RCBTB1: variants seen among roughly 807,000 people sequenced by gnomAD.
RCBTB1 encodes RCC1 and BTB domain containing protein 1.
A neutral mutation model predicts 62.4 loss-of-function variants in RCBTB1; 46 were observed. The ratio of observed to expected loss-of-function variants is 0.74; its 90% CI spans 0.58 to 0.94. The LOEUF is 0.94. Among genes scored for constraint, RCBTB1 ranks in the 40% least tolerant of loss-of-function variants. The pLI is 0.00. For synonymous variants in RCBTB1, 222 were observed against 245.8 expected (o/e 0.90, Z 0.91); for missense variants, 565 against 654.9 (o/e 0.86, Z 1.50).
rs572490119 is a variant in RCBTB1 at position 49,572,350 on chromosome 13, A to T, written c.-41-5030T>A. On this transcript the variant is annotated intron_variant, in intron 2 of 12. Coordinates refer to ENST00000378302, the MANE Select transcript of RCBTB1 (RefSeq NM_018191.4). ...TCAGAAAAAAAAAAAAAAATGCAGG[A>T]TCCATTGCAAGGAACAGCAACATTA... Among the ~76,000 whole-genome samples the T allele has an allele frequency of 4.0e-5, 6 of 151,772 alleles. No individual in the cohort carries two copies. The South Asian group carries it at 8.3e-4, about 21-fold the overall frequency.
chr13:49,574,398 C>T (rs1482497698), intron 2 of RCBTB1, among the ~76,000 whole-genome samples: 2 of 152,196 alleles, frequency 1.3e-5, no homozygotes, highest in Non-Finnish European at 2.9e-5. Flanking sequence ...GGATTAGAGG[C>T]GTGAGCCACC....
chr13:49,584,784 G>GCAAA (rs1964300070), intron 1 of RCBTB1, among the ~76,000 whole-genome samples: 1 of 152,168 alleles, frequency 6.6e-6, no homozygotes, highest in South Asian at 2.1e-4. Context: ...GCTTGAAAGT[G>GCAAA]TCTTACATGC....
intron 2 of RCBTB1, among the ~76,000 whole-genome samples, chr13:49,569,815 G>C (rs1200935185): frequency 1.3e-5 from 2 of 152,108 alleles, no homozygotes; most frequent in East Asian, 3.8e-4. Context: ...GCTGAGGTGA[G>C]AGGATTGCTT....
chr13:49,554,136 C>T (rs189659432), intron 6 of RCBTB1, among the ~76,000 whole-genome samples: 47 of 152,098 alleles, frequency 3.1e-4, no homozygotes, highest in African/African-American at 1.1e-3. Context: ...TGAAGAATAG[C>T]AGAGAAAAGC....
In RCBTB1 at chr13:49,548,388, C is replaced by CAA. The variant is rs1289018692; in HGVS notation, c.1045+1068_1045+1069dup. On this transcript the variant is annotated intron_variant, in intron 9 of 12. Transcript: ENST00000378302. ...TGGGTAACAGAGTGAGACTCCGTCT[C>CAA]AAAAAAAAAAAAAAAAAGAAAAGAA... is the stretch of plus-strand genomic sequence containing the variant. 1.4e-4 allele frequency among the ~76,000 whole-genome samples: 11 copies of CAA among 80,236 alleles called. 1 individual carries two copies. Among genetic ancestry groups the CAA allele is most frequent in the Middle Eastern group, 0.012 (2 of 166 alleles). 52.6% of individuals were successfully genotyped at this position (80,236 alleles called of 152,430 possible).
intron 1 of RCBTB1, among the ~76,000 whole-genome samples, chr13:49,583,241 G>A (rs893071020): frequency 6.6e-6 from 1 of 152,110 alleles, no homozygotes; most frequent in Non-Finnish European, 1.5e-5. Flanking sequence ...TCACCAGGGA[G>A]GATGGGAAAG....
chr13:49,581,446 C>A (rs935420557), intron 1 of RCBTB1, among the ~76,000 whole-genome samples: 4 of 152,194 alleles, frequency 2.6e-5, no homozygotes, highest in Non-Finnish European at 4.4e-5. Flanking sequence ...CAGCAGGCCT[C>A]AGGGGTGATG....
intron 2 of RCBTB1, among the ~76,000 whole-genome samples, chr13:49,570,406 G>A (rs1346134278): frequency 6.6e-6 from 1 of 152,154 alleles, no homozygotes; most frequent in Non-Finnish European, 1.5e-5. Flanking sequence ...GTCAATTCAA[G>A]AAATAGGTCA....
At position 49,534,088 on chromosome 13, in the gene RCBTB1, A is replaced by T. The variant is rs199667765; in HGVS notation, c.*34T>A. ...CTGGACACATCCTCAACAGTGCCCC[A>T]GAGCACTCACACAGAACCCAGCAGC... On this transcript the variant is annotated 3_prime_UTR_variant, in exon 13 of 13. Transcript: ENST00000378302. 3.6e-4 allele frequency: 583 copies of T among 1,602,784 alleles called. No individual in the cohort carries two copies. The highest frequency in any genetic ancestry group is 4.9e-4 in the Non-Finnish European group (569 of 1,172,856).
At chr13:49,563,768 C>T (rs1469002666) in intron 4 of RCBTB1, among the ~76,000 whole-genome samples, 2 of 152,250 alleles carry the variant, frequency 1.3e-5, no homozygotes, top group Non-Finnish European at 2.9e-5. Context: ...ATTCATACCA[C>T]ATGATGATGC....
chr13:49,562,756 G>A (rs1032750314), intron 4 of RCBTB1, among the ~76,000 whole-genome samples: 4 of 141,300 alleles, frequency 2.8e-5, no homozygotes, highest in African/African-American at 1.1e-4. Context: ...GAGACTACAG[G>A]TGCGTGCCAC....
intron 1 of RCBTB1, among the ~76,000 whole-genome samples, chr13:49,584,490 T>C (rs1017443483): frequency 1.3e-5 from 2 of 152,230 alleles, no homozygotes; most frequent in Non-Finnish European, 2.9e-5. Flanking sequence ...CACCCAGTGC[T>C]CACTTGAAAT....
Position 49,540,955 on chromosome 13 carries a change from C to T in RCBTB1, c.1376G>A (p.Cys459Tyr), listed in dbSNP as rs577049537. 1.2e-6 allele frequency: 2 copies of T among 1,613,608 alleles called. No individual in the cohort carries two copies. The highest frequency in any genetic ancestry group is 1.3e-5 in the African/African-American group (1 of 75,048). ...AATTCCTCTCTTGATAATGTGCTGA[C>T]AAAGTTTTTTCAGTCTGTTTTCACA... ...SYCENRLKKL[C>Y]QHIIKRGITV... The change falls in exon 12 of 13, where the codon TGT (cysteine) becomes TAT (tyrosine). Residue 459 changes from cysteine to tyrosine, a missense_variant. Physicochemically the swap from Cys to Tyr is radical, Grantham distance 194. Transcript: ENST00000378302.
At chr13:49,569,064 A>T (rs1008933811) in intron 2 of RCBTB1, among the ~76,000 whole-genome samples, 1 of 152,190 alleles carries the variant, frequency 6.6e-6, no homozygotes, top group Non-Finnish European at 1.5e-5. Flanking sequence ...GGAAATGGAG[A>T]AAAAGAGATT....
intron 4 of RCBTB1, among the ~76,000 whole-genome samples, chr13:49,563,003 A>T (rs1174637550): frequency 6.6e-6 from 1 of 151,656 alleles, no homozygotes; most frequent in Non-Finnish European, 1.5e-5. Flanking sequence ...AAATTACACC[A>T]GAGTACAGAA....
intron 1 of RCBTB1, among the ~76,000 whole-genome samples, chr13:49,583,366 A>T (rs745394427): frequency 2.1e-5 from 3 of 142,842 alleles, no homozygotes; most frequent in Non-Finnish European, 4.5e-5. Flanking sequence ...CTACCCCAGG[A>T]AAGAAGTGTG....
Position 49,585,519 on chromosome 13 carries a change from G to T in RCBTB1, c.-197C>A, listed in dbSNP as rs1964360180. On this transcript the variant is annotated 5_prime_UTR_variant, in exon 1 of 13. Coordinates refer to ENST00000378302, the MANE Select transcript of RCBTB1 (RefSeq NM_018191.4). ...GAAGCTCCAATGGGCGCAGAAGTGC[G>T]AGCGAGCGGCGGTGCCCACCGGCAG... 6.6e-6 allele frequency: 1 copy of T among 152,156 alleles called. No homozygotes were observed. Among genetic ancestry groups the T allele is most frequent in the African/African-American group, 2.4e-5 (1 of 41,444 alleles). The allele number at this position is 152,156 out of a possible 1,614,324, so 9.4% of individuals were successfully genotyped here.
intron 4 of RCBTB1, among the ~76,000 whole-genome samples, chr13:49,563,983 T>C (rs979793240): frequency 2.0e-5 from 3 of 152,186 alleles, no homozygotes; most frequent in African/African-American, 7.2e-5. Context: ...AACAAAAAGC[T>C]GAGGACCTCA....
rs917787269 is a variant in RCBTB1 at position 49,566,684 on chromosome 13, A to T, written c.211T>A (p.Leu71Ile). The T allele has an allele frequency of 6.2e-7, 1 of 1,614,044 alleles. No individual in the cohort carries two copies. The highest frequency in any genetic ancestry group is 8.5e-7 in the Non-Finnish European group (1 of 1,180,014). Residue 71 changes from leucine (L) to isoleucine (I), a missense_variant, in exon 4 of 13, where the codon TTA becomes ATA. By Grantham distance (5) the Leu-to-Ile change is conservative. Coordinates refer to ENST00000378302, the MANE Select transcript of RCBTB1 (RefSeq NM_018191.4). ...AGGCTTTTAATCTTCTTTCCACATAAGCCTTCTAGCTTTTTGGGTACAAGT... is the reference window on the plus strand; with the variant it reads ...AGGCTTTTAATCTTCTTTCCACATATGCCTTCTAGCTTTTTGGGTACAAGT... Reference protein sequence around the residue: ...STLVPKKLEGLCGKKIKSLSY... With the variant: ...STLVPKKLEGICGKKIKSLSY...
Sources: allele counts gnomAD v4.1 joint callset (sites outside exome capture counted in the v4.1 genomes callset), GRCh38; gene constraint gnomAD v4.1.1; transcripts MANE v1.5; gene names NCBI Gene and HGNC (gene_info 2026-07-23, HGNC 2026-07-21).